Variants in SMS observed in about 807,000 individuals in gnomAD.
SMS encodes the protein spermidine aminopropyltransferase.
Under a neutral mutation model 33.0 loss-of-function variants are expected in SMS, and 3 were observed. The ratio of observed to expected loss-of-function variants is 0.09; its 90% confidence interval spans 0.04 to 0.23. The LOEUF is 0.23. Ranked by LOEUF, SMS falls within the 10% of genes least tolerant of loss-of-function variation. The pLI is 1.00. For synonymous variants in SMS, 103 were observed against 112.2 expected (o/e 0.92, Z 0.52); for missense variants, 117 against 288.6 (o/e 0.41, Z 4.31).
chrX:21,948,156 A>T lies in SMS; in HGVS notation c.49+7283A>T, dbSNP rs150531318. ...AGTAAACCACAATGATTCTTTTTAG[A>T]TTGTAGTTTCCAAGTTATACCGATT... On this transcript the variant is annotated intron_variant, in intron 1 of 10. Transcript: ENST00000404933. 5.4e-3 allele frequency among the ~76,000 whole-genome samples: 606 copies of T among 111,655 alleles called. 3 individuals carry two copies. Among genetic ancestry groups the T allele is most frequent in the African/African-American group, 0.019 (573 of 30,734 alleles).
chrX:21,994,214 T>C, intron 10 of SMS, 98 bp from the exon 11 acceptor site: 3 of 816,502 alleles, frequency 3.7e-6, no homozygotes, highest in Non-Finnish European at 5.6e-6. Flanking sequence ...CCATGAAGCT[T>C]TTCATCCATC....
At chrX:21,956,255 T>C (rs1177544755) in intron 1 of SMS, among the ~76,000 whole-genome samples, 1 of 111,424 alleles carries the variant, frequency 9.0e-6, no homozygotes, top group Non-Finnish European at 1.9e-5. Flanking sequence ...TGCTCTTCTC[T>C]GTGAACATCA....
intron 1 of SMS, among the ~76,000 whole-genome samples, chrX:21,965,344 G>A (rs1602197894): frequency 1.8e-5 from 2 of 111,024 alleles, no homozygotes; most frequent in African/African-American, 6.6e-5. Context: ...CTTTTAAAAA[G>A]TCTGTGCAGG....
intron 4 of SMS, among the ~76,000 whole-genome samples, chrX:21,973,843 C>T (rs1924353357): frequency 8.8e-6 from 1 of 113,278 alleles, no homozygotes; most frequent in South Asian, 3.6e-4. Context: ...AAATTTCTAT[C>T]GGACACTGCC....
At chrX:21,972,936 A>G (rs1207367595) in intron 4 of SMS, among the ~76,000 whole-genome samples, 1 of 108,141 alleles carries the variant, frequency 9.2e-6, no homozygotes, top group Non-Finnish European at 1.9e-5. Context: ...AAAAAAAAAA[A>G]AAAATTCAGA....
chrX:21,971,308 C>T (rs912586991), intron 2 of SMS, among the ~76,000 whole-genome samples: 16 of 111,529 alleles, frequency 1.4e-4, no homozygotes, highest in Non-Finnish European at 2.3e-4. Context: ...AAGGGCTGGT[C>T]AGAAAATTTT....
Position 21,941,754 on chromosome X carries a change from A to G in SMS, c.49+881A>G, listed in dbSNP as rs749747702. On this transcript the variant is annotated intron_variant, in intron 1 of 10. Coordinates refer to ENST00000404933, the MANE Select transcript of SMS (RefSeq NM_004595.5). Reference sequence around the variant, plus strand: ...ACAAAAATTAGCCGGGCGTGGTGGCACGCGCCTGTAATCCCAGCTACTCGG... The same window carrying G: ...ACAAAAATTAGCCGGGCGTGGTGGCGCGCGCCTGTAATCCCAGCTACTCGG... Among the ~76,000 whole-genome samples the G allele has an allele frequency of 5.4e-3, 583 of 107,257 alleles. 5 individuals are homozygous for G. Among genetic ancestry groups the G allele is most frequent in the African/African-American group, 0.019 (553 of 29,454 alleles). The allele number at this position is 107,257 out of a possible 115,157, so 93.1% of individuals were successfully genotyped here. A position where few individuals can be genotyped will look rare whatever the true frequency, so the allele number is the denominator to read the frequency against.
rs746715526 is a variant in SMS at position 21,949,075 on chromosome X, G to A, written c.49+8202G>A. ...AAATTGACACTGTCATCTGTGTTCC[G>A]GAAGGAGCCACCGAGCTAGCTAGTG... On this transcript the variant is annotated intron_variant, in intron 1 of 10. Transcript: ENST00000404933. Among the ~76,000 whole-genome samples the A allele has an allele frequency of 5.4e-5, 6 of 111,897 alleles. No individual in the cohort carries two copies. In the South Asian group the frequency reaches 1.9e-3, roughly 35 times the overall value.
At chrX:21,988,969 A>G (rs746854725) in intron 9 of SMS, among the ~76,000 whole-genome samples, 22 of 110,536 alleles carry the variant, frequency 2.0e-4, no homozygotes, top group African/African-American at 6.2e-4. Flanking sequence ...CCACAGCCCC[A>G]TTTAAAAAAA....
intron 7 of SMS, among the ~76,000 whole-genome samples, 195 bp from the exon 8 acceptor site, chrX:21,984,109 G>A (rs1479771554): frequency 8.9e-6 from 1 of 111,934 alleles, no homozygotes; most frequent in African/African-American, 3.2e-5. Flanking sequence ...GGCATATAAA[G>A]CATATATGGT....
At chrX:21,940,904 A>G (rs1197298370) in intron 1 of SMS, 31 bp downstream of exon 1, 2 of 1,001,124 alleles carry the variant, frequency 2.0e-6, no homozygotes, top group Non-Finnish European at 2.6e-6. Context: ...CTGCGTGGCC[A>G]TCCCCGCCGC....
At chrX:21,980,358 A>G in intron 7 of SMS, among the ~76,000 whole-genome samples, 1 of 98,694 alleles carries the variant, frequency 1.0e-5, no homozygotes, top group Middle Eastern at 5.7e-3. Context: ...TGGAGGTTGC[A>G]GTGAGCTGAG....
intron 2 of SMS, among the ~76,000 whole-genome samples, chrX:21,968,865 C>G (rs1569347895): frequency 9.0e-6 from 1 of 111,398 alleles, no homozygotes; most frequent in African/African-American, 3.3e-5. Context: ...CGAATCAGCA[C>G]TAAAGAATTT....
intron 9 of SMS, among the ~76,000 whole-genome samples, chrX:21,990,205 C>T (rs754940316): frequency 2.7e-5 from 3 of 112,267 alleles, no homozygotes; most frequent in African/African-American, 3.2e-5. Flanking sequence ...GAGGCTAAGG[C>T]GGGAGGATTG....
At chrX:21,972,119 G>C in intron 3 of SMS, 129 bp downstream of exon 3, 1 of 529,134 alleles carries the variant, frequency 1.9e-6, no homozygotes, top group Non-Finnish European at 3.3e-6. Context: ...CCACATAAGT[G>C]ATTTTAGAAT....
chrX:21,957,763 C>T (rs748608436), intron 1 of SMS, among the ~76,000 whole-genome samples: 23 of 111,873 alleles, frequency 2.1e-4, no homozygotes, highest in Non-Finnish European at 3.6e-4. Context: ...ACCACATCCA[C>T]GCCAACATCT....
At chrX:21,941,504 C>G in intron 1 of SMS, 1 of 123,375 alleles carries the variant, frequency 8.1e-6, no homozygotes. Flanking sequence ...AACTGGGGGA[C>G]GGGAAAAGGA....
chrX:21,976,598 A>C (rs998540577), intron 4 of SMS, among the ~76,000 whole-genome samples: 2 of 106,568 alleles, frequency 1.9e-5, no homozygotes, highest in Admixed American at 9.9e-5. Context: ...GAAAAAAAAA[A>C]CAGGGAAATG....
intron 1 of SMS, chrX:21,959,856 A>G (rs952243902): frequency 1.5e-6 from 1 of 684,689 alleles, no homozygotes; most frequent in African/African-American, 2.4e-5. Flanking sequence ...GGGGAGTTGC[A>G]GACTGGCTCT....
Sources: gnomAD v4.1 joint callset for allele counts (sites outside exome capture counted in the v4.1 genomes callset) on GRCh38, gnomAD v4.1.1 for gene constraint, MANE v1.5 for transcripts, NCBI Gene and HGNC (gene_info 2026-07-23, HGNC 2026-07-21) for gene names.